Variants in PIBF1 observed in about 807,000 individuals in gnomAD.
PIBF1 encodes progesterone-induced-blocking factor 1.
PIBF1 carries 90 observed loss-of-function variants against 112.5 expected under a neutral mutation model. That is an observed-to-expected ratio of 0.80 (90% CI 0.67 to 0.95). PIBF1 has a LOEUF of 0.95. Among genes scored for constraint, PIBF1 ranks in the 40% least tolerant of loss-of-function variants. PIBF1 has a pLI of 0.00. For missense variants in PIBF1, 915 were observed against 852.3 expected, an observed-to-expected ratio of 1.07 and a Z score of -0.92; for synonymous variants, 301 against 288.6, an observed-to-expected ratio of 1.04 and a Z score of -0.44.
chr13:72,844,761 A>ATGAAGT (rs1232368156), intron 9 of PIBF1, among the ~76,000 whole-genome samples: 1 of 133,170 alleles, frequency 7.5e-6, no homozygotes, highest in African/African-American at 3.0e-5. Flanking sequence ...ACACACACAC[A>ATGAAGT]CACACACACA....
At chr13:72,887,039 CTT>C (rs747807659) in intron 10 of PIBF1, among the ~76,000 whole-genome samples, 1 of 130,728 alleles carries the variant, frequency 7.6e-6, no homozygotes, top group African/African-American at 2.8e-5. Context: ...TATAGTTTTT[CTT>C]TTTTTTTTTT....
At chr13:72,877,308 T>G (rs1209890724) in intron 10 of PIBF1, among the ~76,000 whole-genome samples, 1 of 152,204 alleles carries the variant, frequency 6.6e-6, no homozygotes, top group Non-Finnish European at 1.5e-5. Flanking sequence ...GGTTTTTGCA[T>G]CTATATTAAT....
chr13:72,910,094 A>G (rs892832042), intron 12 of PIBF1, among the ~76,000 whole-genome samples: 5 of 152,178 alleles, frequency 3.3e-5, no homozygotes, highest in African/African-American at 1.2e-4. Flanking sequence ...ACATTTTTGC[A>G]TAAGGACTGT....
In PIBF1 at chr13:72,908,713, T is replaced by C. The variant is rs200460244; in HGVS notation, c.1639+32T>C. 3.4e-4 allele frequency: 473 copies of C among 1,389,104 alleles called. 4 individuals carry two copies. In the South Asian group the frequency reaches 5.0e-3, roughly 15 times the overall value. 86.0% of individuals were successfully genotyped at this position (1,389,104 alleles called of 1,614,324 possible). On this transcript the variant is annotated intron_variant, in intron 12 of 17. Transcript: ENST00000326291. ...CTTCCCCCACACACACATGCACAACTTTTTTTTTTCTGGCAACAAAAGACG... is the reference window on the plus strand; with the variant it reads ...CTTCCCCCACACACACATGCACAACCTTTTTTTTTCTGGCAACAAAAGACG...
At chr13:72,818,678 C>CTTTTTTTTTTTTTTTTT in intron 5 of PIBF1, among the ~76,000 whole-genome samples, 1 of 80,392 alleles carries the variant, frequency 1.2e-5, no homozygotes, top group Non-Finnish European at 2.2e-5. Context: ...CAGTCTTAAA[C>CTTTTTTTTTTTTTTTTT]TTTTTTTTTT....
chr13:72,821,149 C>T (rs1190969401), intron 5 of PIBF1, among the ~76,000 whole-genome samples: 3 of 152,100 alleles, frequency 2.0e-5, no homozygotes, highest in Non-Finnish European at 4.4e-5. Flanking sequence ...TTTCAGATCT[C>T]CATTAGGGTT....
In PIBF1 at chr13:73,016,160, C is replaced by T; in HGVS notation, c.*241C>T. ...GCTATGCTTTAAATTTTGGAGCTTT[C>T]ATAAATGTTCAATGCATTTTAAGTG... On this transcript the variant is annotated 3_prime_UTR_variant, in exon 18 of 18. Transcript: ENST00000326291. 1 of 183,190 alleles carries T rather than the reference C, an allele frequency of 5.5e-6. No individual in the cohort carries two copies. The highest frequency in any genetic ancestry group is 6.2e-5 in the Admixed American group (1 of 16,092). The allele number at this position is 183,190 out of a possible 1,614,324, so 11.3% of individuals were successfully genotyped here. A position where few individuals can be genotyped will look rare whatever the true frequency, so the allele number is the denominator to read the frequency against.
intron 2 of PIBF1, among the ~76,000 whole-genome samples, chr13:72,788,649 T>C (rs941915444): frequency 6.6e-6 from 1 of 152,184 alleles, no homozygotes; most frequent in African/African-American, 2.4e-5. Flanking sequence ...AAAGAGTTCT[T>C]CCAGAAGTTC....
chr13:72,999,845 G>A (rs2043799860), intron 17 of PIBF1, among the ~76,000 whole-genome samples: 1 of 152,174 alleles, frequency 6.6e-6, no homozygotes, highest in Non-Finnish European at 1.5e-5. Context: ...AAAGTGGGAG[G>A]ATCACCTGAG....
intron 14 of PIBF1, among the ~76,000 whole-genome samples, chr13:72,941,694 G>A (rs1243372208): frequency 1.3e-5 from 2 of 152,164 alleles, no homozygotes; most frequent in African/African-American, 4.8e-5. Context: ...AGAAGGCATT[G>A]CTAGATTTGA....
At chr13:72,880,635 A>C (rs887111411) in intron 10 of PIBF1, among the ~76,000 whole-genome samples, 4 of 152,186 alleles carry the variant, frequency 2.6e-5, no homozygotes, top group Non-Finnish European at 5.9e-5. Flanking sequence ...ACCCTTGCTT[A>C]ATATAGTTAC....
At chr13:72,868,176 C>T (rs2039002987) in intron 10 of PIBF1, among the ~76,000 whole-genome samples, 2 of 152,060 alleles carry the variant, frequency 1.3e-5, no homozygotes, top group African/African-American at 4.8e-5. Flanking sequence ...GGGCATGTGC[C>T]TATAATCTCA....
intron 16 of PIBF1, among the ~76,000 whole-genome samples, chr13:72,987,847 TTTATTTATTTA>T (rs1410133643): frequency 0.088 from 7,159 of 81,616 alleles, 266 homozygotes; most frequent in East Asian, 0.1. Context: ...AATTTATTTA[TTTATTTATTTA>T]TTTTTTTTTT....
chr13:72,924,231 C>T (rs142470414), intron 13 of PIBF1, among the ~76,000 whole-genome samples: 1,673 of 152,032 alleles, frequency 0.011, 17 homozygotes, highest in Non-Finnish European at 0.017. Context: ...GTATCTAAGA[C>T]ATTTGCCTTC....
chr13:73,006,712 G>GTCA (rs1184922434), intron 17 of PIBF1, among the ~76,000 whole-genome samples: 1 of 151,932 alleles, frequency 6.6e-6, no homozygotes, highest in African/African-American at 2.4e-5. Flanking sequence ...GCATTTATCA[G>GTCA]TCATCATTCT....
chr13:72,915,820 T>C (rs746477304), intron 12 of PIBF1, among the ~76,000 whole-genome samples: 2 of 152,170 alleles, frequency 1.3e-5, no homozygotes, highest in African/African-American at 4.8e-5. Context: ...GTTTCTAAAA[T>C]CTTTACTACA....
chr13:72,839,457 AGAGTT>A (rs2037506358), intron 9 of PIBF1, among the ~76,000 whole-genome samples: 1 of 152,222 alleles, frequency 6.6e-6, no homozygotes, highest in African/African-American at 2.4e-5. Context: ...TACAAATAAA[AGAGTT>A]GACTGTAGAA....
intron 11 of PIBF1, among the ~76,000 whole-genome samples, chr13:72,907,774 A>C (rs2040752923): frequency 1.3e-5 from 2 of 151,988 alleles, no homozygotes; most frequent in Non-Finnish European, 2.9e-5. Flanking sequence ...TGTAAAAATA[A>C]GTAAGCATTC....
At chr13:72,897,171 T>G (rs373875511) in intron 11 of PIBF1, among the ~76,000 whole-genome samples, 1 of 152,092 alleles carries the variant, frequency 6.6e-6, no homozygotes, top group Non-Finnish European at 1.5e-5. Context: ...AAAACAATTA[T>G]AAGCCAATAA....
Sources: allele counts gnomAD v4.1 joint callset (sites outside exome capture counted in the v4.1 genomes callset), GRCh38; gene constraint gnomAD v4.1.1; transcripts MANE v1.5; gene names NCBI Gene and HGNC (gene_info 2026-07-23, HGNC 2026-07-21).